SATB1: variants seen among roughly 807,000 people sequenced by gnomAD.
SATB1 encodes the protein SATB homeobox 1.
A neutral mutation model predicts 86.9 loss-of-function variants in SATB1; 11 were observed. That is an observed-to-expected ratio of 0.13 (90% CI 0.08 to 0.21). The LOEUF (loss-of-function observed/expected upper bound fraction) is 0.21. SATB1 is among the 10% of genes least tolerant of loss of function. The probability of loss-of-function intolerance (pLI) is 1.00; values close to 1 mark genes in which losing one functional copy is unlikely to be tolerated. For missense variants in SATB1, 551 were observed against 937.6 expected (o/e 0.59, Z 5.39); for synonymous variants, 357 against 357.2 (o/e 1.00, Z 0.01).
chr3:18,414,124 G>T (rs896907675), intron 5 of SATB1, among the ~76,000 whole-genome samples: 1 of 151,960 alleles, frequency 6.6e-6, no homozygotes, highest in African/African-American at 2.4e-5. Context: ...CTAATATTCA[G>T]AATTAAAACT....
At position 18,347,749 on chromosome 3, in the gene SATB1, TC is replaced by T. The variant is rs1255740556; in HGVS notation, c.*1420del. On this transcript the variant is annotated 3_prime_UTR_variant, in exon 11 of 11. Transcript: ENST00000338745. ...AAAATGTTAACCAAACAGGTTATTT[TC>T]ATTGTGAAATTTCATACCTATTTAA... 6.6e-6 allele frequency: 1 copy of T among 152,212 alleles called. No individual in the cohort carries two copies. The highest frequency in any genetic ancestry group is 1.5e-5 in the Non-Finnish European group (1 of 68,020). 9.4% of individuals were successfully genotyped at this position (152,212 alleles called of 1,614,324 possible). A position where few individuals can be genotyped will look rare whatever the true frequency, so the allele number is the denominator to read the frequency against.
At chr3:18,440,582 A>G (rs1699215794), upstream of SATB1, among the ~76,000 whole-genome samples, 1 of 152,214 alleles carries the variant, frequency 6.6e-6, no homozygotes, top group East Asian at 1.9e-4. Flanking sequence ...GCGTAAATAA[A>G]CAGTAGGTGC....
chr3:18,359,792 C>T (rs934039075), intron 9 of SATB1, among the ~76,000 whole-genome samples: 1 of 151,672 alleles, frequency 6.6e-6, no homozygotes, highest in African/African-American at 2.4e-5. Flanking sequence ...CCTCATTCTT[C>T]ATAGCTGGTA....
intron 9 of SATB1, among the ~76,000 whole-genome samples, chr3:18,355,954 A>G (rs1694610671): frequency 6.6e-6 from 1 of 152,196 alleles, no homozygotes; most frequent in South Asian, 2.1e-4. Flanking sequence ...ATGTAAATAA[A>G]TTAGTAAAAC....
intron 8 of SATB1, among the ~76,000 whole-genome samples, chr3:18,380,721 AT>A (rs77546983): frequency 0.15 from 22,952 of 148,516 alleles, 2,055 homozygotes; most frequent in East Asian, 0.4. Context: ...CTAGAATCAC[AT>A]TTTTTTTTTT....
At chr3:18,415,723 C>T (rs776315359) in intron 4 of SATB1, among the ~76,000 whole-genome samples, 6 of 151,860 alleles carry the variant, frequency 4.0e-5, no homozygotes, top group Non-Finnish European at 8.8e-5. Flanking sequence ...TGTAAAATGC[C>T]TTCTTGTGAT....
intron 2 of SATB1, among the ~76,000 whole-genome samples, chr3:18,436,479 A>G (rs1332417400): frequency 2.1e-5 from 3 of 145,814 alleles, no homozygotes; most frequent in Non-Finnish European, 4.5e-5. Context: ...TCAGACAATG[A>G]GGATAGAACA....
intron 3 of SATB1, 21 bp downstream of exon 3, chr3:18,416,880 AC>A: frequency 4.5e-6 from 7 of 1,562,706 alleles, no homozygotes; most frequent in East Asian, 2.3e-5. Flanking sequence ...AATTTTTCCA[AC>A]CCCACGTACA....
At chr3:18,396,495 T>C (rs541019912) in intron 6 of SATB1, among the ~76,000 whole-genome samples, 2 of 152,328 alleles carry the variant, frequency 1.3e-5, no homozygotes, top group Admixed American at 1.3e-4. Flanking sequence ...AATGCCATCA[T>C]CTAAATGCTT....
intron 5 of SATB1, among the ~76,000 whole-genome samples, chr3:18,402,749 G>A (rs1697336796): frequency 6.6e-6 from 1 of 152,034 alleles, no homozygotes; most frequent in Non-Finnish European, 1.5e-5. Context: ...AACTTATCAA[G>A]GACTTGCCGA....
intron 8 of SATB1, among the ~76,000 whole-genome samples, chr3:18,383,044 C>G (rs1229609871): frequency 6.6e-6 from 1 of 152,222 alleles, no homozygotes; most frequent in East Asian, 1.9e-4. Context: ...GAATCATTAT[C>G]AGGTGCAAGA....
chr3:18,391,535 C>A (rs1468699889), intron 7 of SATB1, among the ~76,000 whole-genome samples: 1 of 119,362 alleles, frequency 8.4e-6, no homozygotes, highest in African/African-American at 3.2e-5. Flanking sequence ...CCCCTCCCCC[C>A]ACCCCACAAC....
chr3:18,371,541 A>C (rs898698402), intron 9 of SATB1, among the ~76,000 whole-genome samples: 3 of 152,140 alleles, frequency 2.0e-5, no homozygotes, highest in Admixed American at 2.0e-4. Context: ...CAGGGCAGAA[A>C]ATTTCTACAT....
chr3:18,425,824 G>GGGGCAGGAC (rs199730219), upstream of SATB1, among the ~76,000 whole-genome samples: 10,082 of 141,208 alleles, frequency 0.071, 629 homozygotes, highest in Non-Finnish European at 0.1. Context: ...GGAGGGAGGA[G>GGGGCAGGAC]GGGCAGGACG....
chr3:18,370,410 A>G (rs1312205595), intron 9 of SATB1, among the ~76,000 whole-genome samples: 2 of 150,452 alleles, frequency 1.3e-5, no homozygotes, highest in Non-Finnish European at 3.0e-5. Flanking sequence ...GCCATCCCCA[A>G]CTCCCCAACA....
intron 2 of SATB1, chr3:18,417,320 C>A: frequency 1.8e-6 from 1 of 570,332 alleles, no homozygotes; most frequent in South Asian, 2.3e-5. Context: ...AAGCTGTGCT[C>A]TAAATTAACA....
chr3:18,390,378 C>G (rs1696595109), intron 7 of SATB1, among the ~76,000 whole-genome samples: 1 of 152,096 alleles, frequency 6.6e-6, no homozygotes, highest in South Asian at 2.1e-4. Context: ...ATTTTTAATC[C>G]TATGTCCAGG....
At chr3:18,379,409 C>A (rs949366078) in intron 8 of SATB1, among the ~76,000 whole-genome samples, 2 of 152,284 alleles carry the variant, frequency 1.3e-5, no homozygotes, top group South Asian at 4.1e-4. Flanking sequence ...AAACTGATCC[C>A]TTAAAGACAT....
At position 18,444,478 on chromosome 3, in the gene SATB1, C is replaced by A; in HGVS notation, c.-25+1040G>T. On this transcript the variant is annotated intron_variant, in intron 1 of 3. Transcript: ENST00000415069. This position sits in a 1 kb window ranked among gnomAD's most constrained non-coding sequence, Gnocchi z 5.1. ...AGCCCTGCGCCCACGAGAGGGGAGC[C>A]CAGCCGCCCCAATAGGGGACGAGGA... 1.6e-6 allele frequency: 1 copy of A among 637,120 alleles called. No homozygotes were observed. Among genetic ancestry groups the A allele is most frequent in the Non-Finnish European group, 2.0e-6 (1 of 511,744 alleles). 39.5% of individuals were successfully genotyped at this position (637,120 alleles called of 1,614,324 possible). A position where few individuals can be genotyped will look rare whatever the true frequency, so the allele number is the denominator to read the frequency against.
Sources: allele counts gnomAD v4.1 joint callset (sites outside exome capture counted in the v4.1 genomes callset), GRCh38; gene constraint gnomAD v4.1.1; non-coding constraint Gnocchi (gnomAD v3.1); transcripts MANE v1.5; gene names NCBI Gene and HGNC (gene_info 2026-07-23, HGNC 2026-07-21).